Variants in ADAM19 observed in about 807,000 individuals in gnomAD.
ADAM19 encodes the protein disintegrin and metalloproteinase domain-containing protein 19.
ADAM19 carries 65 observed loss-of-function variants against 114.7 expected under a neutral mutation model. The ratio of observed to expected loss-of-function variants is 0.57; its 90% CI spans 0.46 to 0.70. The LOEUF (loss-of-function observed/expected upper bound fraction) is 0.70, where lower values mean the gene tolerates loss of function less well. Among genes scored for constraint, ADAM19 ranks in the 30% least tolerant of loss-of-function variants. The pLI, the probability that ADAM19 is intolerant of heterozygous loss-of-function variation, is 0.00. For missense variants in ADAM19, 1,063 were observed against 1,204.7 expected, an observed-to-expected ratio of 0.88 and a Z score of 1.74; for synonymous variants, 466 against 460.5, an observed-to-expected ratio of 1.01 and a Z score of -0.15.
intron 1 of ADAM19, 62 bp from the exon 2 acceptor site, chr5:157,571,042 C>A (rs1757807177): frequency 6.2e-6 from 9 of 1,445,820 alleles, no homozygotes; most frequent in Non-Finnish European, 8.7e-6. Flanking sequence ...CTAAGCCACA[C>A]ATGCACTTTC....
intron 22 of ADAM19, 31 bp from the exon 23 acceptor site, chr5:157,481,033 C>T: frequency 1.2e-6 from 2 of 1,613,904 alleles, no homozygotes; most frequent in African/African-American, 1.3e-5. Context: ...GGGAGAGAGA[C>T]ATCAGCTTGA....
intron 4 of ADAM19, among the ~76,000 whole-genome samples, chr5:157,532,430 C>A (rs920842945): frequency 2.0e-5 from 3 of 152,246 alleles, no homozygotes; most frequent in African/African-American, 4.8e-5. Context: ...CAAATACGCA[C>A]TGTTGGGCAT....
chr5:157,533,333 C>T (rs1756674693), intron 4 of ADAM19, among the ~76,000 whole-genome samples: 2 of 152,186 alleles, frequency 1.3e-5, no homozygotes, highest in Non-Finnish European at 2.9e-5. Context: ...GAGAGGAGCA[C>T]AAAGGAAAGC....
chr5:157,563,426 C>T (rs1259714604), intron 3 of ADAM19, among the ~76,000 whole-genome samples: 1 of 152,182 alleles, frequency 6.6e-6, no homozygotes, highest in Non-Finnish European at 1.5e-5. Context: ...TCTCCCTTTC[C>T]ACCCAAGCCT....
chr5:157,503,259 G>A (rs997238425), intron 11 of ADAM19, among the ~76,000 whole-genome samples: 14 of 152,096 alleles, frequency 9.2e-5, no homozygotes, highest in Admixed American at 5.9e-4. Flanking sequence ...ACCAAACACC[G>A]GATGTTCTCA....
At chr5:157,570,807 A>C in intron 2 of ADAM19, 88 bp downstream of exon 2, 4 of 1,149,098 alleles carry the variant, frequency 3.5e-6, no homozygotes, top group Non-Finnish European at 3.8e-6. Context: ...ACTAATGGTG[A>C]TGACTGGGAT....
intron 21 of ADAM19, among the ~76,000 whole-genome samples, chr5:157,484,174 C>T (rs1754853666): frequency 6.6e-6 from 1 of 152,164 alleles, no homozygotes; most frequent in Admixed American, 6.5e-5. Flanking sequence ...CCCTGACATT[C>T]CCTGACCTTT....
chr5:157,533,043 C>T (rs1756668385), intron 4 of ADAM19, among the ~76,000 whole-genome samples: 1 of 152,154 alleles, frequency 6.6e-6, no homozygotes. Flanking sequence ...CCTCAAGGCG[C>T]CTGGAAGCCC....
intron 5 of ADAM19, among the ~76,000 whole-genome samples, chr5:157,523,498 C>T (rs1257967395): frequency 6.6e-6 from 1 of 152,020 alleles, no homozygotes; most frequent in Non-Finnish European, 1.5e-5. Context: ...ATGAGAGTTT[C>T]CTCAAGAGCT....
intron 12 of ADAM19, 95 bp downstream of exon 12, chr5:157,502,708 T>C (rs903337896): frequency 1.1e-5 from 15 of 1,405,594 alleles, no homozygotes; most frequent in Non-Finnish European, 1.4e-5. Flanking sequence ...GAAACACCTG[T>C]GACTAAGAAA....
intron 14 of ADAM19, among the ~76,000 whole-genome samples, chr5:157,496,045 T>A (rs764038879): frequency 9.5e-5 from 13 of 137,126 alleles, no homozygotes; most frequent in Non-Finnish European, 2.0e-4. Flanking sequence ...GCTCAAGCCA[T>A]CCCCCCACCT....
At chr5:157,554,273 C>G (rs1397911795) in intron 3 of ADAM19, among the ~76,000 whole-genome samples, 1 of 152,218 alleles carries the variant, frequency 6.6e-6, no homozygotes, top group African/African-American at 2.4e-5. Context: ...CTAAGGCCAA[C>G]AGGGCAGTTG....
intron 9 of ADAM19, among the ~76,000 whole-genome samples, chr5:157,508,642 T>C (rs1294088545): frequency 1.3e-5 from 2 of 152,072 alleles, no homozygotes; most frequent in Non-Finnish European, 2.9e-5. Context: ...GGTTTTATTA[T>C]CTATATGCCT....
chr5:157,572,183 T>TC (rs1757848133), intron 1 of ADAM19: 1 of 408,480 alleles, frequency 2.4e-6, no homozygotes, highest in African/African-American at 2.1e-5. Context: ...CCTTCCGGGT[T>TC]CATGCCATTC....
chr5:157,549,221 G>A (rs1490991035), intron 3 of ADAM19, among the ~76,000 whole-genome samples: 1 of 152,198 alleles, frequency 6.6e-6, no homozygotes, highest in Non-Finnish European at 1.5e-5. Context: ...CTGACCACAT[G>A]GGTCTGCCTG....
chr5:157,502,858 C>T lies in ADAM19; in HGVS notation c.1253G>A (p.Arg418Lys). Residue 418 changes from arginine to lysine, a missense_variant, in exon 12 of 23, where the codon AGG becomes AAG. Physicochemically the swap from Arg to Lys is conservative, Grantham distance 26. Transcript: ENST00000257527. ...PDTRMLYGGR[R>K]CGNGYLEDGE... is the part of the protein sequence containing the mutation. ...ATCTTCCAGATACCCGTTCCCACAC[C>T]TCCGGCCTCCATACAACATCCTGGT... The T allele has an allele frequency of 6.2e-7, 1 of 1,614,218 alleles. No homozygotes were observed. Among genetic ancestry groups the T allele is most frequent in the Non-Finnish European group, 8.5e-7 (1 of 1,180,040 alleles).
intron 3 of ADAM19, among the ~76,000 whole-genome samples, chr5:157,550,686 GAAAA>G (rs60281885): frequency 7.1e-6 from 1 of 139,862 alleles, no homozygotes; most frequent in Admixed American, 7.2e-5. Context: ...AAGCTGTTTG[GAAAA>G]AAAAAAAAAA....
chr5:157,558,395 C>A (rs1757421586), intron 3 of ADAM19, among the ~76,000 whole-genome samples: 1 of 152,208 alleles, frequency 6.6e-6, no homozygotes, highest in African/African-American at 2.4e-5. Flanking sequence ...TACTTTAGAT[C>A]TGCCAAATAC....
chr5:157,488,179 T>G, intron 21 of ADAM19, 86 bp downstream of exon 21: 1 of 1,391,234 alleles, frequency 7.2e-7, no homozygotes, highest in Admixed American at 1.8e-5. Flanking sequence ...CCCCACAAGT[T>G]TCACCTTCCC....
Sources: allele counts gnomAD v4.1 joint callset (sites outside exome capture counted in the v4.1 genomes callset), GRCh38; gene constraint gnomAD v4.1.1; transcripts MANE v1.5; gene names NCBI Gene and HGNC (gene_info 2026-07-23, HGNC 2026-07-21).